SNTG1: variants seen among roughly 807,000 people sequenced by gnomAD.
SNTG1 encodes syntrophin gamma 1.
SNTG1 carries 39 observed loss-of-function variants against 74.7 expected under a neutral mutation model. The observed-to-expected ratio is 0.52, with a 90% CI of 0.40 to 0.68. The LOEUF (loss-of-function observed/expected upper bound fraction) is 0.68, where lower values mean the gene tolerates loss of function less well. SNTG1 is among the 30% of genes least tolerant of loss of function. The pLI is 0.00. For synonymous variants in SNTG1, 254 were observed against 217.1 expected, an observed-to-expected ratio of 1.17 and a Z score of -1.49; for missense variants, 685 against 609.5, an observed-to-expected ratio of 1.12 and a Z score of -1.30.
chr8:50,148,167 T>A (rs558361960), intron 1 of SNTG1, among the ~76,000 whole-genome samples: 1 of 152,154 alleles, frequency 6.6e-6, no homozygotes, highest in East Asian at 1.9e-4. Flanking sequence ...GACACTATAT[T>A]AAATATAAAA....
Position 50,521,308 on chromosome 8 carries a change from G to T in SNTG1, c.467-8869G>T, listed in dbSNP as rs1262257655. Among the ~76,000 whole-genome samples the T allele has an allele frequency of 1.3e-5, 2 of 152,206 alleles. 1 individual carries two copies. The highest frequency in any genetic ancestry group is 4.8e-5 in the African/African-American group (2 of 41,544). On this transcript the variant is annotated intron_variant, in intron 9 of 18. Transcript: ENST00000642720. ...GGGGAGGGATAGCATTAGGAGAAATGCCTAATGTAGGTGATGGGTTGATGG... is the reference window on the plus strand; with the variant it reads ...GGGGAGGGATAGCATTAGGAGAAATTCCTAATGTAGGTGATGGGTTGATGG...
intron 11 of SNTG1, among the ~76,000 whole-genome samples, chr8:50,542,123 T>TAC (rs1391909712): frequency 6.9e-6 from 1 of 144,248 alleles, no homozygotes; most frequent in Admixed American, 7.0e-5. Flanking sequence ...CATATATATA[T>TAC]ATGAATGTAG....
chr8:50,381,291 A>G (rs535412005), intron 2 of SNTG1, among the ~76,000 whole-genome samples: 1 of 152,124 alleles, frequency 6.6e-6, no homozygotes, highest in South Asian at 2.1e-4. Flanking sequence ...ATCCATGGAT[A>G]CAGAAAAGAA....
At chr8:50,364,597 A>G (rs1295169378) in intron 2 of SNTG1, among the ~76,000 whole-genome samples, 1 of 152,156 alleles carries the variant, frequency 6.6e-6, no homozygotes, top group African/African-American at 2.4e-5. Flanking sequence ...TCTGAGACAT[A>G]ACACCATTGC....
intron 18 of SNTG1, among the ~76,000 whole-genome samples, chr8:50,787,247 A>T (rs2095678290): frequency 1.3e-5 from 2 of 151,956 alleles, no homozygotes; most frequent in African/African-American, 2.4e-5. Context: ...TGCTCAAATC[A>T]TTAGTCATCA....
intron 18 of SNTG1, among the ~76,000 whole-genome samples, chr8:50,758,554 C>T (rs1232280552): frequency 1.3e-5 from 2 of 151,848 alleles, no homozygotes; most frequent in South Asian, 2.1e-4. Context: ...CTCCCACTTA[C>T]GAGTGAGAAC....
chr8:50,598,247 A>G (rs1346191921), intron 13 of SNTG1, among the ~76,000 whole-genome samples: 1 of 151,722 alleles, frequency 6.6e-6, no homozygotes, highest in African/African-American at 2.4e-5. Context: ...AGTCTTTAAG[A>G]CATTTTGATT....
chr8:50,675,607 A>C (rs1269927195), intron 15 of SNTG1, among the ~76,000 whole-genome samples: 3 of 151,724 alleles, frequency 2.0e-5, no homozygotes, highest in African/African-American at 7.3e-5. Flanking sequence ...TTGACTCTTT[A>C]TCCAATTTGC....
chr8:50,096,859 G>A (rs2079947321), intron 1 of SNTG1, among the ~76,000 whole-genome samples: 1 of 152,076 alleles, frequency 6.6e-6, no homozygotes, highest in Non-Finnish European at 1.5e-5. Flanking sequence ...AATACATTCT[G>A]CAAGTATTTG....
At chr8:50,297,381 C>G (rs893433081) in intron 2 of SNTG1, among the ~76,000 whole-genome samples, 1 of 152,138 alleles carries the variant, frequency 6.6e-6, no homozygotes, top group African/African-American at 2.4e-5. Flanking sequence ...AGATAGATGG[C>G]TCATTCCTAC....
chr8:50,677,608 C>T (rs957341305), intron 15 of SNTG1, among the ~76,000 whole-genome samples: 1 of 151,894 alleles, frequency 6.6e-6, no homozygotes, highest in Admixed American at 6.6e-5. Flanking sequence ...AAATGTTCTG[C>T]CTTGCAAATT....
intron 2 of SNTG1, among the ~76,000 whole-genome samples, chr8:50,299,582 A>G (rs1047971277): frequency 2.0e-5 from 3 of 152,156 alleles, no homozygotes; most frequent in Non-Finnish European, 4.4e-5. Context: ...GAATCACATT[A>G]AAAAAGTAAA....
intron 2 of SNTG1, among the ~76,000 whole-genome samples, chr8:50,290,995 C>A (rs1274499478): frequency 1.3e-5 from 2 of 152,090 alleles, no homozygotes; most frequent in African/African-American, 2.4e-5. Context: ...TGAACTCAAG[C>A]GATGCCTATC....
chr8:50,203,801 T>C (rs967351863), intron 2 of SNTG1, among the ~76,000 whole-genome samples: 1 of 151,958 alleles, frequency 6.6e-6, no homozygotes, highest in African/African-American at 2.4e-5. Context: ...TGTGTGTTCG[T>C]AATAAAATCT....
chr8:50,077,414 T>C (rs1821990467), intron 1 of SNTG1, among the ~76,000 whole-genome samples: 1 of 152,132 alleles, frequency 6.6e-6, no homozygotes, highest in African/African-American at 2.4e-5. Context: ...AGAGCAATAA[T>C]TTTTTCTGTT....
At chr8:50,371,493 G>GC (rs1270316582) in intron 2 of SNTG1, among the ~76,000 whole-genome samples, 1 of 152,146 alleles carries the variant, frequency 6.6e-6, no homozygotes, top group East Asian at 1.9e-4. Context: ...AACCTGGTGT[G>GC]CAGATGATTC....
intron 17 of SNTG1, among the ~76,000 whole-genome samples, chr8:50,743,950 G>A (rs1393643272): frequency 6.9e-6 from 1 of 145,608 alleles, no homozygotes; most frequent in Admixed American, 6.8e-5. Context: ...CTTGTCACAT[G>A]GCAAAAATAG....
intron 1 of SNTG1, among the ~76,000 whole-genome samples, chr8:50,099,192 T>C (rs1407665266): frequency 6.6e-6 from 1 of 152,128 alleles, no homozygotes; most frequent in African/African-American, 2.4e-5. Context: ...CCACTGATGA[T>C]GATATTCTCT....
At chr8:50,144,129 G>A (rs1017393128) in intron 1 of SNTG1, among the ~76,000 whole-genome samples, 3 of 152,032 alleles carry the variant, frequency 2.0e-5, no homozygotes, top group African/African-American at 7.2e-5. Context: ...AATTTCATCC[G>A]ATTGAATGAA....
Sources: gnomAD v4.1 joint callset for allele counts (sites outside exome capture counted in the v4.1 genomes callset) on GRCh38, gnomAD v4.1.1 for gene constraint, MANE v1.5 for transcripts, NCBI Gene and HGNC (gene_info 2026-07-23, HGNC 2026-07-21) for gene names.